The following P2RY8 variants were observed in gnomAD, a reference collection of about 807,000 sequenced individuals.
P2RY8 encodes the protein P2Y receptor family member 8.
P2RY8 carries 6 observed loss-of-function variants against 10.0 expected under a neutral mutation model. The ratio of observed to expected loss-of-function variants is 0.60; its 90% confidence interval spans 0.33 to 1.19. P2RY8 has a LOEUF of 1.19. Ranked by LOEUF, P2RY8 falls within the 50% of genes most tolerant of loss-of-function variation. The probability of loss-of-function intolerance (pLI) is 0.04; values close to 1 mark genes in which losing one functional copy is unlikely to be tolerated. For missense variants in P2RY8, 456 were observed against 542.0 expected (o/e 0.84, Z 1.58); for synonymous variants, 276 against 252.5 (o/e 1.09, Z -0.88).
chrX:1,483,703 A>G (rs2091959909), intron 1 of P2RY8, among the ~76,000 whole-genome samples: 1 of 151,876 alleles, frequency 6.6e-6, no homozygotes, highest in African/African-American at 2.4e-5. Flanking sequence ...CCTCCCTTAG[A>G]CTCAAAAACA....
At chrX:1,530,596 TTATC>T (rs1335236850) in intron 1 of P2RY8, among the ~76,000 whole-genome samples, 1 of 150,942 alleles carries the variant, frequency 6.6e-6, no homozygotes, top group African/African-American at 2.4e-5. Flanking sequence ...ATCATCACCA[TTATC>T]TATCTATATG....
At chrX:1,523,166 G>C (rs1481791338) in intron 1 of P2RY8, among the ~76,000 whole-genome samples, 2 of 151,926 alleles carry the variant, frequency 1.3e-5, no homozygotes, top group Non-Finnish European at 2.9e-5. Context: ...AAATAGTTTG[G>C]AGTAGCAGTT....
At chrX:1,518,462 A>T (rs1210645541) in intron 1 of P2RY8, among the ~76,000 whole-genome samples, 1 of 148,428 alleles carries the variant, frequency 6.7e-6, no homozygotes, top group Non-Finnish European at 1.5e-5. Flanking sequence ...ATAAAATATT[A>T]AATATTTAAT....
intron 1 of P2RY8, among the ~76,000 whole-genome samples, chrX:1,489,726 C>T (rs180748214): frequency 2.3e-4 from 31 of 136,420 alleles, no homozygotes; most frequent in African/African-American, 5.9e-4. Context: ...AGATATTCCC[C>T]GCAAATGTGG....
chrX:1,474,020 T>A (rs1214218179), intron 1 of P2RY8, among the ~76,000 whole-genome samples: 1 of 139,600 alleles, frequency 7.2e-6, no homozygotes, highest in Non-Finnish European at 1.5e-5. Flanking sequence ...GGTGGGTGGA[T>A]GGGAGGGTGG....
At chrX:1,482,070 T>C (rs1271803345) in intron 1 of P2RY8, among the ~76,000 whole-genome samples, 2 of 151,696 alleles carry the variant, frequency 1.3e-5, no homozygotes, top group Admixed American at 6.6e-5. Context: ...ATTCTCAGAG[T>C]ATATAGCACG....
chrX:1,527,774 A>T (rs1238835772), intron 1 of P2RY8, among the ~76,000 whole-genome samples: 3 of 152,106 alleles, frequency 2.0e-5, no homozygotes, highest in Non-Finnish European at 4.4e-5. Context: ...CTACATATCC[A>T]TCCATCCACT....
At chrX:1,504,088 C>T (rs748050646) in intron 1 of P2RY8, among the ~76,000 whole-genome samples, 7 of 151,800 alleles carry the variant, frequency 4.6e-5, no homozygotes, top group South Asian at 2.1e-4. Context: ...GAGGCCGAGG[C>T]GGGCGGATCA....
chrX:1,479,534 G>A (rs1158666341), intron 1 of P2RY8, among the ~76,000 whole-genome samples: 2 of 152,110 alleles, frequency 1.3e-5, no homozygotes, highest in African/African-American at 4.8e-5. Flanking sequence ...TTTCCACCTC[G>A]AGAAACTAGA....
At chrX:1,515,186 C>T (rs1157671307) in intron 1 of P2RY8, among the ~76,000 whole-genome samples, 14 of 150,794 alleles carry the variant, frequency 9.3e-5, no homozygotes, top group Non-Finnish European at 1.8e-4. Context: ...GCTGGGATTA[C>T]AGGCATCAGC....
intron 1 of P2RY8, among the ~76,000 whole-genome samples, chrX:1,509,123 CTATCT>C: frequency 6.6e-6 from 1 of 151,742 alleles, no homozygotes; most frequent in African/African-American, 2.4e-5. Flanking sequence ...ATCTATCTAT[CTATCT>C]ATCTATCTAT....
chrX:1,467,054 G>C (rs1316457411), intron 1 of P2RY8, among the ~76,000 whole-genome samples: 1 of 148,818 alleles, frequency 6.7e-6, no homozygotes, highest in Non-Finnish European at 1.5e-5. Flanking sequence ...GTCCCCCGTG[G>C]ACGGAAACCA....
At chrX:1,506,461 C>G (rs1231767243) in intron 1 of P2RY8, among the ~76,000 whole-genome samples, 1 of 151,572 alleles carries the variant, frequency 6.6e-6, no homozygotes, top group East Asian at 1.9e-4. Context: ...AAGACTGCCT[C>G]TTTGTCCTTT....
chrX:1,510,466 A>G (rs2092290892), intron 1 of P2RY8, among the ~76,000 whole-genome samples: 2 of 152,112 alleles, frequency 1.3e-5, no homozygotes, highest in African/African-American at 4.8e-5. Flanking sequence ...CCATAACTAC[A>G]ACTTTGATCG....
At chrX:1,530,961 A>C (rs1233492902) in intron 1 of P2RY8, among the ~76,000 whole-genome samples, 1 of 150,894 alleles carries the variant, frequency 6.6e-6, no homozygotes, top group Non-Finnish European at 1.5e-5. Context: ...TAATCTATTT[A>C]TCCATGTATG....
At position 1,527,096 on chromosome X, in the gene P2RY8, C is replaced by T. The variant is rs369471778; in HGVS notation, c.-25+9825G>A. On this transcript the variant is annotated intron_variant, in intron 1 of 1. Coordinates refer to ENST00000381297, the MANE Select transcript of P2RY8 (RefSeq NM_178129.5). The stretch of plus-strand genomic sequence containing the variant: ...TTTTAGTAGAGACGGGGTTTCACCA[C>T]GCTGGCCAGGCTGGTCTTAAATTCC... Among the ~76,000 whole-genome samples the T allele has an allele frequency of 1.7e-4, 26 of 152,146 alleles. No homozygotes were observed. In the East Asian group the frequency reaches 3.3e-3, roughly 19 times the overall value.
intron 1 of P2RY8, among the ~76,000 whole-genome samples, chrX:1,479,760 A>T (rs2091914120): frequency 6.6e-6 from 1 of 152,202 alleles, no homozygotes; most frequent in Non-Finnish European, 1.5e-5. Context: ...CAGGCTAACA[A>T]CAACAAAGAA....
At chrX:1,466,749 C>T (rs1248042675) in intron 1 of P2RY8, among the ~76,000 whole-genome samples, 167 bp from the exon 2 acceptor site, 1 of 143,650 alleles carries the variant, frequency 7.0e-6, no homozygotes, top group Admixed American at 7.2e-5. Context: ...CTTCCCTCTC[C>T]TCCTTCCTTC....
At chrX:1,512,546 CAAAA>C (rs573449530) in intron 1 of P2RY8, among the ~76,000 whole-genome samples, 1 of 97,082 alleles carries the variant, frequency 1.0e-5, no homozygotes, top group Non-Finnish European at 1.9e-5. Context: ...GACTCCGTCT[CAAAA>C]AAAAAAAAAA....
Sources: gnomAD v4.1 joint callset for allele counts (sites outside exome capture counted in the v4.1 genomes callset) on GRCh38, gnomAD v4.1.1 for gene constraint, MANE v1.5 for transcripts, NCBI Gene and HGNC (gene_info 2026-07-23, HGNC 2026-07-21) for gene names.